Variants in SRP68 observed in about 807,000 individuals in gnomAD.
SRP68 encodes signal recognition particle 68, also known as signal recognition particle subunit SRP68.
A neutral mutation model predicts 82.2 loss-of-function variants in SRP68; 15 were observed. The observed-to-expected ratio is 0.18, with a 90% CI of 0.12 to 0.28. The LOEUF is 0.28. Among genes scored for constraint, SRP68 ranks in the 10% least tolerant of loss-of-function variants. SRP68 has a pLI of 1.00. For synonymous variants in SRP68, 261 were observed against 292.6 expected (o/e 0.89, Z 1.10); for missense variants, 595 against 780.5 (o/e 0.76, Z 2.83).
chr17:76,045,891 G>C (rs1357331419), intron 11 of SRP68, 147 bp downstream of exon 11: 7 of 938,378 alleles, frequency 7.5e-6, no homozygotes, highest in Non-Finnish European at 1.1e-5. Flanking sequence ...ACAGACTGCA[G>C]AACTGGTGTA....
At chr17:76,047,996 G>A (rs764701588) in intron 9 of SRP68, 26 bp from the exon 10 acceptor site, 2 of 1,506,288 alleles carry the variant, frequency 1.3e-6, no homozygotes, top group South Asian at 1.3e-5. Context: ...AAGGTAAAAA[G>A]TAAAGCAACT....
At chr17:76,041,168 G>A (rs1454705988) in intron 13 of SRP68, 190 bp from the exon 14 acceptor site, 5 of 497,654 alleles carry the variant, frequency 1.0e-5, no homozygotes, top group Middle Eastern at 2.9e-4. Flanking sequence ...GCTATGCCAC[G>A]GCTTAAGTAA....
At chr17:76,046,269 G>C in intron 10 of SRP68, 75 bp from the exon 11 acceptor site, 2 of 1,564,850 alleles carry the variant, frequency 1.3e-6, no homozygotes, top group East Asian at 4.5e-5. Flanking sequence ...CTACAAGTTG[G>C]GGCTGACCCA....
chr17:76,072,402 T>G lies in SRP68; in HGVS notation c.90A>C (p.Gly30=). ...GGSGGGGSGG[G]RGAGGEENKE... is the part of the protein sequence containing the mutation. ...TATTTTCTTCCCCTCCGGCACCACGTCCACCGCCGCTACCGCCGCCGCCAC... is the reference window on the plus strand; with the variant it reads ...TATTTTCTTCCCCTCCGGCACCACGGCCACCGCCGCTACCGCCGCCGCCAC... The change falls in exon 1 of 16, where the codon GGA becomes GGC. Residue 30 remains glycine, a synonymous_variant. Transcript: ENST00000307877. This position sits in a 1 kb window ranked among gnomAD's most constrained non-coding sequence, Gnocchi z 4.5. 6.3e-7 allele frequency: 1 copy of G among 1,586,974 alleles called. No individual in the cohort carries two copies. The highest frequency in any genetic ancestry group is 2.0e-4 in the Middle Eastern group (1 of 5,044).
intron 4 of SRP68, among the ~76,000 whole-genome samples, chr17:76,062,744 T>TATATATATATATATAAA (rs2066774986): frequency 5.4e-5 from 4 of 74,060 alleles, no homozygotes; most frequent in Admixed American, 4.1e-4. Context: ...TATATATATA[T>TATATATATATATATAAA]ATATATATAT....
At chr17:76,057,071 G>A (rs922413978) in intron 8 of SRP68, among the ~76,000 whole-genome samples, 2 of 152,194 alleles carry the variant, frequency 1.3e-5, no homozygotes, top group Admixed American at 6.5e-5. Flanking sequence ...ACATGTCAGA[G>A]AAACTTCAGA....
intron 5 of SRP68, 134 bp downstream of exon 5, chr17:76,061,358 G>T: frequency 1.0e-6 from 1 of 970,002 alleles, no homozygotes; most frequent in South Asian, 1.5e-5. Context: ...AAGGTTGAAA[G>T]AGAATCATCA....
rs759229011 is a variant in SRP68 at position 76,057,418 on chromosome 17, T to C, written c.963A>G (p.Glu321=). 3 of 1,614,074 alleles carry C rather than the reference T, an allele frequency of 1.9e-6. No individual in the cohort carries two copies. The highest frequency in any genetic ancestry group is 1.3e-5 in the African/African-American group (1 of 74,924). Residue 321 remains glutamate (E), a synonymous_variant, in exon 8 of 16, where the codon GAA becomes GAG. Coordinates refer to ENST00000307877, the MANE Select transcript of SRP68 (RefSeq NM_014230.4). ...RIFLLGLADN[E]AAIVQAESEE... is the part of the protein sequence containing the mutation. ...TCCTCCTCACCTGGACAATAGCTGC[T>C]TCGTTATCAGCCAGTCCTAATAAGA...
Position 76,064,765 on chromosome 17 carries a change from G to A in SRP68, c.366-594C>T, listed in dbSNP as rs576975306. Among the ~76,000 whole-genome samples, 57 of 150,152 alleles carry A rather than the reference G, an allele frequency of 3.8e-4. 1 individual carries two copies. Among genetic ancestry groups the A allele is most frequent in the South Asian group, 3.6e-3 (17 of 4,740 alleles). On this transcript the variant is annotated intron_variant, in intron 3 of 15. Transcript: ENST00000307877. ...CTGAGGCAGGAGTATCTCTTGAACC[G>A]AGGAGGCGGAGGTTGCAGTGAGCTG...
intron 4 of SRP68, among the ~76,000 whole-genome samples, chr17:76,063,276 T>G (rs1473429160): frequency 1.3e-5 from 2 of 152,210 alleles, no homozygotes; most frequent in Non-Finnish European, 2.9e-5. Flanking sequence ...CCTTGCAATA[T>G]CTACCATCTC....
Position 76,061,176 on chromosome 17 carries a change from C to T in SRP68, c.688G>A (p.Ala230Thr). Reference protein sequence around the residue: ...KLASAFTEEQAVLYNQRVEEI... With the variant: ...KLASAFTEEQTVLYNQRVEEI... ...TCCACACGTTGGTTATACAGCACAG[C>T]CTGCTCCTCTGTGAAAGCACTGGCT... The change falls in exon 6 of 16, where the codon GCT becomes ACT. Residue 230 changes from alanine to threonine, a missense_variant. By Grantham distance (58) the Ala-to-Thr change is moderately conservative. Around this residue, in one of 2 missense-constraint regions of SRP68, gnomAD observed 495 missense variants for 688.6 expected, o/e 0.72. Coordinates refer to ENST00000307877, the MANE Select transcript of SRP68 (RefSeq NM_014230.4). 1 of 1,614,046 alleles carries T rather than the reference C, an allele frequency of 6.2e-7. No individual in the cohort carries two copies. Among genetic ancestry groups the T allele is most frequent in the Non-Finnish European group, 8.5e-7 (1 of 1,179,918 alleles).
At chr17:76,061,282 C>T (rs1291919954) in intron 5 of SRP68, 63 bp from the exon 6 acceptor site, 3 of 1,213,802 alleles carry the variant, frequency 2.5e-6, no homozygotes, top group African/African-American at 3.0e-5. Flanking sequence ...ATGGGGAACA[C>T]AGTGACTAAA....
At chr17:76,046,766 C>G (rs1415442661) in intron 10 of SRP68, among the ~76,000 whole-genome samples, 3 of 152,126 alleles carry the variant, frequency 2.0e-5, no homozygotes, top group Non-Finnish European at 4.4e-5. Context: ...ACAGTGAAAC[C>G]CCGTCTCTAT....
chr17:76,039,352 C>T lies in SRP68; in HGVS notation c.*354G>A, dbSNP rs1038372221. On this transcript the variant is annotated 3_prime_UTR_variant, in exon 16 of 16. Coordinates refer to ENST00000307877, the MANE Select transcript of SRP68 (RefSeq NM_014230.4). The stretch of plus-strand genomic sequence containing the variant: ...TTTCAAATCCATGGTACTGAAGAAG[C>T]ATGACAAAGCGTTTCAAGGCCCCAT... 2.0e-6 allele frequency: 1 copy of T among 488,148 alleles called. No individual in the cohort carries two copies. Among genetic ancestry groups the T allele is most frequent in the Non-Finnish European group, 4.0e-6 (1 of 248,344 alleles). The allele number at this position is 488,148 out of a possible 1,614,324, so 30.2% of individuals were successfully genotyped here. A position where few individuals can be genotyped will look rare whatever the true frequency, so the allele number is the denominator to read the frequency against.
intron 8 of SRP68, among the ~76,000 whole-genome samples, chr17:76,057,108 C>A (rs2066718622): frequency 6.6e-6 from 1 of 152,236 alleles, no homozygotes; most frequent in Non-Finnish European, 1.5e-5. Flanking sequence ...TGCTGCACCA[C>A]CTGCTGGGCC....
At chr17:76,070,300 T>G (rs962484881) in intron 2 of SRP68, 78 bp downstream of exon 2, 1 of 1,098,904 alleles carries the variant, frequency 9.1e-7, no homozygotes, top group Admixed American at 1.8e-5. Context: ...TTTGCTGATA[T>G]AGCAGAGTAA....
At chr17:76,070,471 A>T (rs756133405) in intron 1 of SRP68, 27 bp from the exon 2 acceptor site, 2 of 1,592,514 alleles carry the variant, frequency 1.3e-6, no homozygotes. Context: ...GGAAAATCTT[A>T]CCATAGCAAG....
chr17:76,060,219 A>G lies in SRP68; in HGVS notation c.837+89T>C, dbSNP rs186011455. 1,640 of 665,920 alleles carry G rather than the reference A, an allele frequency of 2.5e-3. 27 individuals carry two copies. The African/African-American group carries it at 0.027, about 11-fold the overall frequency. 41.3% of individuals were successfully genotyped at this position (665,920 alleles called of 1,614,324 possible). Reference sequence around the variant, plus strand: ...CTAATACAGATATAAATATCCATATATTAATATCAAATATCCCTAGGGGAT... The same window carrying G: ...CTAATACAGATATAAATATCCATATGTTAATATCAAATATCCCTAGGGGAT... On this transcript the variant is annotated intron_variant, in intron 7 of 15. Coordinates refer to ENST00000307877, the MANE Select transcript of SRP68 (RefSeq NM_014230.4).
intron 2 of SRP68, among the ~76,000 whole-genome samples, chr17:76,068,288 G>A (rs888131812): frequency 4.0e-5 from 6 of 149,828 alleles, no homozygotes; most frequent in Admixed American, 1.3e-4. Context: ...GTAAAACTCC[G>A]TCTCGAAAAA....
Sources: gnomAD v4.1 joint callset for allele counts (sites outside exome capture counted in the v4.1 genomes callset) on GRCh38, gnomAD v4.1.1 for gene constraint, gnomAD v4.1.1 regional missense constraint, Gnocchi (gnomAD v3.1) non-coding constraint, MANE v1.5 for transcripts, NCBI Gene and HGNC (gene_info 2026-07-23, HGNC 2026-07-21) for gene names.